Variants in ERGIC3 observed in about 807,000 individuals in gnomAD.
The protein encoded by ERGIC3 is endoplasmic reticulum-Golgi intermediate compartment protein 3.
In ERGIC3, 33 loss-of-function variants were observed where a neutral mutation model predicts 54.7. The observed-to-expected ratio is 0.60, with a 90% confidence interval of 0.46 to 0.81. ERGIC3 has a LOEUF of 0.81. Ranked by LOEUF, ERGIC3 falls within the 30% of genes least tolerant of loss-of-function variation. The pLI, the probability that ERGIC3 is intolerant of heterozygous loss-of-function variation, is 0.00. For missense variants in ERGIC3, 399 were observed against 488.4 expected, an observed-to-expected ratio of 0.82 and a Z score of 1.73; for synonymous variants, 186 against 189.8, an observed-to-expected ratio of 0.98 and a Z score of 0.16.
chr20:35,554,985 A>C (rs2064703185), intron 7 of ERGIC3, 59 bp from the exon 8 acceptor site: 1 of 1,593,870 alleles, frequency 6.3e-7, no homozygotes, highest in Non-Finnish European at 8.6e-7. Flanking sequence ...AGGAAGGAGG[A>C]GGCCAGTGCT....
chr20:35,554,452 G>C (rs996844344), intron 7 of ERGIC3: 1 of 1,597,418 alleles, frequency 6.3e-7, no homozygotes, highest in Non-Finnish European at 8.6e-7. Context: ...TACTAGAATG[G>C]CGGGGAGGTT....
At position 35,542,567 on chromosome 20, in the gene ERGIC3, A is replaced by G. The variant is rs1447675765; in HGVS notation, c.214A>G (p.Ile72Val). Residue 72 changes from isoleucine to valine, a missense_variant, in exon 3 of 13, where the codon ATC becomes GTC. Ile to Val is a conservative substitution (Grantham distance 29, BLOSUM62 3). Transcript: ENST00000348547. ...GCGGGGAGATAAACTGAAGATCAAC[A>G]TCGATGTACTTTTTCCGCACATGCC... ...KSRGDKLKINIDVLFPHMPCA... is the reference protein window; with the variant it reads ...KSRGDKLKINVDVLFPHMPCA... 2 of 1,613,902 alleles carry G rather than the reference A, an allele frequency of 1.2e-6. No individual in the cohort carries two copies. Among genetic ancestry groups the G allele is most frequent in the Non-Finnish European group, 1.7e-6 (2 of 1,179,994 alleles).
rs149117636 is a variant in ERGIC3, at chr20:35,545,587, C to T, written c.368-1825C>T. Among the ~76,000 whole-genome samples, 46 of 152,134 alleles carry T rather than the reference C, an allele frequency of 3.0e-4. 1 individual carries two copies. The highest frequency in any genetic ancestry group is 2.7e-3 in the South Asian group (13 of 4,818). On this transcript the variant is annotated intron_variant, in intron 4 of 12. Transcript: ENST00000348547. Reference sequence around the variant, plus strand: ...TGTCTCAACAACAACAACAAAAAAACGTGTAACCTTTTTTATGACCCAGCC... The same window carrying T: ...TGTCTCAACAACAACAACAAAAAAATGTGTAACCTTTTTTATGACCCAGCC...
intron 7 of ERGIC3, among the ~76,000 whole-genome samples, chr20:35,553,161 T>G (rs1421762561): frequency 1.5e-5 from 2 of 135,516 alleles, no homozygotes; most frequent in African/African-American, 5.4e-5. Flanking sequence ...CATGCCACCA[T>G]GCCTGGCTAA....
intron 4 of ERGIC3, chr20:35,545,273 T>G (rs933138565): frequency 1.1e-4 from 17 of 152,064 alleles, no homozygotes; most frequent in African/African-American, 4.1e-4. Flanking sequence ...AACCATAACC[T>G]TTGGCCAGGC....
intron 8 of ERGIC3, 53 bp from the exon 9 acceptor site, chr20:35,555,980 G>T: frequency 6.4e-7 from 1 of 1,566,326 alleles, no homozygotes; most frequent in Non-Finnish European, 8.8e-7. Context: ...AGGTGTCCCT[G>T]TCTGCTACTG....
At chr20:35,544,206 C>T (rs975833233) in intron 4 of ERGIC3, 1 of 181,462 alleles carries the variant, frequency 5.5e-6, no homozygotes, top group Non-Finnish European at 1.1e-5. Context: ...AGGCCTGTGC[C>T]ACCATGCCCA....
At chr20:35,554,459 G>A (rs1268677300) in intron 7 of ERGIC3, 41 of 1,560,288 alleles carry the variant, frequency 2.6e-5, no homozygotes, top group Non-Finnish European at 3.4e-5. Flanking sequence ...ATGGCGGGGA[G>A]GTTGGATGGG....
chr20:35,543,898 G>A (rs553134505), intron 4 of ERGIC3: 22 of 328,912 alleles, frequency 6.7e-5, no homozygotes, highest in Non-Finnish European at 1.3e-4. Context: ...ATAAAAATGT[G>A]TTTTTTCAGT....
intron 7 of ERGIC3, chr20:35,549,788 C>T (rs2064671841): frequency 6.6e-6 from 1 of 152,484 alleles, no homozygotes; most frequent in Non-Finnish European, 1.5e-5. Context: ...AGGTGCGTGC[C>T]ACCACGCCCA....
At chr20:35,552,510 C>A (rs938253797) in intron 7 of ERGIC3, among the ~76,000 whole-genome samples, 1 of 151,992 alleles carries the variant, frequency 6.6e-6, no homozygotes, top group Non-Finnish European at 1.5e-5. Flanking sequence ...GTGAGGGAGT[C>A]AAATATGTAA....
At chr20:35,549,034 G>A (rs45581133) in intron 7 of ERGIC3, 169 bp downstream of exon 7, 12,333 of 744,892 alleles carry the variant, frequency 0.017, 134 homozygotes, top group Middle Eastern at 0.03. Flanking sequence ...ACAGGCCGAG[G>A]AGCCAGACTG....
At chr20:35,544,731 G>T in intron 4 of ERGIC3, 1 of 159,142 alleles carries the variant, frequency 6.3e-6, no homozygotes, top group South Asian at 1.5e-4. Flanking sequence ...CGGCCATAGT[G>T]GGTAGCACAG....
chr20:35,551,577 G>C (rs903837750), intron 7 of ERGIC3, among the ~76,000 whole-genome samples: 1 of 152,230 alleles, frequency 6.6e-6, no homozygotes, highest in Admixed American at 6.5e-5. Flanking sequence ...GGTGAGGGCA[G>C]ATGGAGAAGA....
chr20:35,548,960 G>A, intron 7 of ERGIC3, 95 bp downstream of exon 7: 1 of 1,487,796 alleles, frequency 6.7e-7, no homozygotes, highest in African/African-American at 1.4e-5. Context: ...ATTTGTCTTG[G>A]GCAACCATTT....
intron 4 of ERGIC3, among the ~76,000 whole-genome samples, chr20:35,546,173 C>G (rs751547176): frequency 2.6e-5 from 4 of 152,074 alleles, no homozygotes; most frequent in Non-Finnish European, 4.4e-5. Context: ...CAAAGAGATT[C>G]CTGGAGACTT....
chr20:35,554,352 C>T, intron 7 of ERGIC3: 1 of 1,614,106 alleles, frequency 6.2e-7, no homozygotes, highest in Non-Finnish European at 8.5e-7. Flanking sequence ...CTTCTCTCTC[C>T]TCCCTCCCCC....
At position 35,548,650 on chromosome 20, in the gene ERGIC3, G is replaced by GT; in HGVS notation, c.604dup (p.Tyr202LeufsTer8). On this transcript the variant is annotated frameshift_variant, in exon 6 of 13. Coordinates refer to ENST00000348547, the MANE Select transcript of ERGIC3 (RefSeq NM_015966.3). LOFTEE classifies it high-confidence loss of function. ...AGCAGAAGAATGAAGGCTGCCAGGT[G>GT]TATGGCTTCTTGGAAGTCAATAAGG... 1 of 1,614,238 alleles carries GT rather than the reference G, an allele frequency of 6.2e-7. No individual in the cohort carries two copies. The highest frequency in any genetic ancestry group is 8.5e-7 in the Non-Finnish European group (1 of 1,180,040).
chr20:35,552,196 A>G (rs1215902254), intron 7 of ERGIC3, among the ~76,000 whole-genome samples: 1 of 152,068 alleles, frequency 6.6e-6, no homozygotes, highest in African/African-American at 2.4e-5. Context: ...GTACATGGAG[A>G]GTCTCTTCTG....
Sources: allele counts gnomAD v4.1 joint callset (sites outside exome capture counted in the v4.1 genomes callset), GRCh38; gene constraint gnomAD v4.1.1; transcripts MANE v1.5; gene names NCBI Gene and HGNC (gene_info 2026-07-23, HGNC 2026-07-21).